Variants in NAALADL2 observed in about 807,000 individuals in gnomAD.
NAALADL2 encodes the protein inactive N-acetylated-alpha-linked acidic dipeptidase-like protein 2.
Under a neutral mutation model 87.2 loss-of-function variants are expected in NAALADL2, and 76 were observed. That is an observed-to-expected ratio of 0.87 (90% CI 0.72 to 1.05). NAALADL2 has a LOEUF of 1.05. NAALADL2 is among the 50% of genes least tolerant of loss of function. The pLI, the probability that NAALADL2 is intolerant of heterozygous loss-of-function variation, is 0.00. For synonymous variants in NAALADL2, 354 were observed against 331.0 expected, an observed-to-expected ratio of 1.07 and a Z score of -0.75; for missense variants, 1,089 against 945.8, an observed-to-expected ratio of 1.15 and a Z score of -1.99.
In NAALADL2 at chr3:174,869,963, C is replaced by T. The variant is rs930587833; in HGVS notation, c.43+10513C>T. Among the ~76,000 whole-genome samples, 4 of 148,754 alleles carry T rather than the reference C, an allele frequency of 2.7e-5. No individual in the cohort carries two copies. In the South Asian group the frequency reaches 8.7e-4, roughly 32 times the overall value. ...GTGGGCCGAGATCACGCCATTGCAC[C>T]CCATCCTGGGCAACAAGAGCGACAA... On this transcript the variant is annotated intron_variant, in intron 1 of 13. Transcript: ENST00000454872.
At chr3:174,643,167 C>T (rs754878693) in intron 2 of NAALADL2, among the ~76,000 whole-genome samples, 3 of 152,158 alleles carry the variant, frequency 2.0e-5, no homozygotes, top group Non-Finnish European at 4.4e-5. Context: ...CTTATAATGC[C>T]AGACACTATT....
chr3:175,172,303 C>T (rs931928280), intron 2 of NAALADL2, among the ~76,000 whole-genome samples: 14 of 151,962 alleles, frequency 9.2e-5, no homozygotes, highest in African/African-American at 3.4e-4. Flanking sequence ...GAGTACTAAA[C>T]CAGTAGTAAA....
intron 5 of NAALADL2, among the ~76,000 whole-genome samples, chr3:175,327,187 G>A (rs1210123038): frequency 4.2e-5 from 5 of 119,678 alleles, no homozygotes; most frequent in South Asian, 5.2e-4. Flanking sequence ...ATGGAGTCTC[G>A]CTCTGTCGCC....
At chr3:175,269,606 C>A (rs537662488) in intron 4 of NAALADL2, among the ~76,000 whole-genome samples, 6 of 152,324 alleles carry the variant, frequency 3.9e-5, no homozygotes, top group Admixed American at 2.6e-4. Context: ...GATACACACT[C>A]TCAGGTAAAC....
chr3:175,198,685 C>G (rs1355846918), intron 2 of NAALADL2, among the ~76,000 whole-genome samples: 1 of 151,918 alleles, frequency 6.6e-6, no homozygotes. Context: ...AAAGGACTTT[C>G]CACAGCTTTC....
Position 174,448,423 on chromosome 3 carries a change from T to A in NAALADL2, c.-184+7391T>A, listed in dbSNP as rs558593868. 2.6e-5 allele frequency among the ~76,000 whole-genome samples: 4 copies of A among 152,328 alleles called. No homozygotes were observed. In the South Asian group the frequency reaches 8.3e-4, roughly 32 times the overall value. On this transcript the variant is annotated intron_variant, in intron 1 of 3. Transcript: ENST00000434257. ...CACTGAAAGAATCAGAGGTATTTAA[T>A]TTAGCAAAGGGATTATGCACTTTCT...
intron 1 of NAALADL2, among the ~76,000 whole-genome samples, chr3:175,022,982 G>A (rs576118981): frequency 1.3e-5 from 2 of 152,050 alleles, no homozygotes; most frequent in Non-Finnish European, 2.9e-5. Flanking sequence ...GTTTCCCAGA[G>A]TTGGTTGTTT....
intron 1 of NAALADL2, among the ~76,000 whole-genome samples, chr3:175,033,838 A>G (rs1753080645): frequency 6.6e-6 from 1 of 152,172 alleles, no homozygotes; most frequent in African/African-American, 2.4e-5. Context: ...CTGAATTTAT[A>G]GTCTAAGAAG....
At chr3:174,717,167 T>G (rs1173594738) in intron 2 of NAALADL2, among the ~76,000 whole-genome samples, 1 of 151,916 alleles carries the variant, frequency 6.6e-6, no homozygotes, top group Non-Finnish European at 1.5e-5. Context: ...ATCTGAAGAG[T>G]TTTGTGGTAA....
intron 4 of NAALADL2, among the ~76,000 whole-genome samples, chr3:175,268,963 C>T (rs922009185): frequency 7.5e-5 from 11 of 146,662 alleles, no homozygotes; most frequent in South Asian, 2.2e-4. Context: ...TTTTTTGAGA[C>T]GGTCTCCCTC....
rs567716588 is a variant in NAALADL2, at chr3:175,415,103, A to G, written c.1091-32126A>G. ...AGTAAATATAAGCCTAATTGCCCTC[A>G]TTTATATACACAGATAGTTCTAATA... On this transcript the variant is annotated intron_variant, in intron 5 of 13. Coordinates refer to ENST00000454872, the MANE Select transcript of NAALADL2 (RefSeq NM_207015.3). Among the ~76,000 whole-genome samples, 203 of 152,266 alleles carry G rather than the reference A, an allele frequency of 1.3e-3. 1 individual carries two copies. The highest frequency in any genetic ancestry group is 4.3e-3 in the African/African-American group (179 of 41,570).
chr3:175,087,266 C>T (rs1033315423), intron 1 of NAALADL2, among the ~76,000 whole-genome samples: 6 of 152,180 alleles, frequency 3.9e-5, no homozygotes, highest in East Asian at 1.9e-4. Flanking sequence ...GGCCAGCTGC[C>T]CTGCCCGGGA....
At chr3:175,102,862 C>A (rs967939014) in intron 2 of NAALADL2, among the ~76,000 whole-genome samples, 2 of 152,102 alleles carry the variant, frequency 1.3e-5, no homozygotes, top group African/African-American at 4.8e-5. Flanking sequence ...GTAATCCCAG[C>A]ACTTTGGGAG....
At chr3:174,481,847 T>C (rs1485015135) in intron 1 of NAALADL2, among the ~76,000 whole-genome samples, 1 of 152,076 alleles carries the variant, frequency 6.6e-6, no homozygotes, top group Non-Finnish European at 1.5e-5. Context: ...GGAAGATCAT[T>C]AGAGACTCAG....
chr3:175,431,072 T>C lies in NAALADL2; in HGVS notation c.1091-16157T>C, dbSNP rs139089538. On this transcript the variant is annotated intron_variant, in intron 5 of 13. Coordinates refer to ENST00000454872, the MANE Select transcript of NAALADL2 (RefSeq NM_207015.3). ...TTTGTACTGAAAAATGGATTCAACT[T>C]TAACAGCACACTTTCTAAAAATAGC... Among the ~76,000 whole-genome samples, 724 of 152,228 alleles carry C rather than the reference T, an allele frequency of 4.8e-3. 6 individuals carry two copies. Among genetic ancestry groups the C allele is most frequent in the Middle Eastern group, 0.017 (5 of 292 alleles).
At chr3:175,575,316 C>T (rs1718699052) in intron 9 of NAALADL2, among the ~76,000 whole-genome samples, 1 of 151,992 alleles carries the variant, frequency 6.6e-6, no homozygotes, top group African/African-American at 2.4e-5. Flanking sequence ...TGGAGCCTTG[C>T]TCTTGTTGCC....
intron 1 of NAALADL2, among the ~76,000 whole-genome samples, chr3:174,547,975 A>G (rs1711593980): frequency 1.3e-5 from 2 of 152,192 alleles, no homozygotes; most frequent in Non-Finnish European, 2.9e-5. Context: ...GTGAAAAGGA[A>G]CCACCTTTAT....
chr3:174,648,728 T>G (rs2108749980), intron 2 of NAALADL2, among the ~76,000 whole-genome samples: 1 of 152,286 alleles, frequency 6.6e-6, no homozygotes, highest in Non-Finnish European at 1.5e-5. Flanking sequence ...CACAAAGAGC[T>G]TTCACACTCT....
intron 1 of NAALADL2, among the ~76,000 whole-genome samples, chr3:174,487,900 A>G (rs970667560): frequency 5.3e-5 from 8 of 152,002 alleles, no homozygotes; most frequent in Admixed American, 5.3e-4. Flanking sequence ...ATTTCGGGAT[A>G]GTTTTGCAGT....
Sources: allele counts gnomAD v4.1 joint callset (sites outside exome capture counted in the v4.1 genomes callset), GRCh38; gene constraint gnomAD v4.1.1; transcripts MANE v1.5; gene names NCBI Gene and HGNC (gene_info 2026-07-23, HGNC 2026-07-21).